Variants in ZMAT4 observed in about 807,000 individuals in gnomAD.
ZMAT4 encodes the protein zinc finger matrin-type protein 4.
ZMAT4 carries 17 observed loss-of-function variants against 28.7 expected under a neutral mutation model. That is an observed-to-expected ratio of 0.59 (90% confidence interval 0.41 to 0.89). The LOEUF (loss-of-function observed/expected upper bound fraction) is 0.89. ZMAT4 is among the 40% of genes least tolerant of loss of function. The pLI is 0.00. For synonymous variants in ZMAT4, 117 were observed against 109.2 expected (o/e 1.07, Z -0.44); for missense variants, 240 against 283.8 (o/e 0.85, Z 1.11).
chr8:40,538,577 A>C (rs1422759892), intron 6 of ZMAT4, among the ~76,000 whole-genome samples: 2 of 152,108 alleles, frequency 1.3e-5, no homozygotes, highest in Non-Finnish European at 2.9e-5. Context: ...TGTCGACGAC[A>C]ACATATTAGC....
At position 40,715,770 on chromosome 8, in the gene ZMAT4, C is replaced by T. The variant is rs577423250; in HGVS notation, c.193-18369G>A. ...GAGATGTCTCTAGTTGGCACTGCCA[C>T]CAGCGTGGCCCACCTCACTAATCTG... On this transcript the variant is annotated intron_variant, in intron 3 of 6. Transcript: ENST00000297737. Among the ~76,000 whole-genome samples the T allele has an allele frequency of 3.9e-5, 6 of 152,340 alleles. No homozygotes were observed. In the South Asian group the frequency reaches 1.2e-3, roughly 32 times the overall value.
At chr8:40,791,552 T>G (rs1024387487) in intron 2 of ZMAT4, among the ~76,000 whole-genome samples, 2 of 152,222 alleles carry the variant, frequency 1.3e-5, no homozygotes, top group Non-Finnish European at 2.9e-5. Context: ...CCCTGGCTCA[T>G]GGCTGAGTTG....
chr8:40,663,502 A>G (rs1440363406), intron 5 of ZMAT4, among the ~76,000 whole-genome samples: 4 of 152,182 alleles, frequency 2.6e-5, no homozygotes, highest in Admixed American at 2.0e-4. Context: ...GTGTGTTTGA[A>G]TAAGTGAATG....
At chr8:40,679,069 A>G (rs1809032441) in intron 4 of ZMAT4, among the ~76,000 whole-genome samples, 1 of 152,176 alleles carries the variant, frequency 6.6e-6, no homozygotes, top group Non-Finnish European at 1.5e-5. Context: ...TATAAAATCA[A>G]TGCAAGCCCT....
At chr8:40,554,965 C>A (rs529423682) in intron 6 of ZMAT4, among the ~76,000 whole-genome samples, 1 of 152,200 alleles carries the variant, frequency 6.6e-6, no homozygotes, top group African/African-American at 2.4e-5. Context: ...ACCTCCTCAC[C>A]TATACCCACA....
chr8:40,836,364 T>C (rs16890016), intron 1 of ZMAT4, among the ~76,000 whole-genome samples: 10,332 of 152,192 alleles, frequency 0.068, 646 homozygotes, highest in East Asian at 0.34. Flanking sequence ...AAGTTAAGCA[T>C]CATCTCATCA....
At chr8:40,844,854 G>C (rs1816826119) in intron 1 of ZMAT4, among the ~76,000 whole-genome samples, 1 of 152,148 alleles carries the variant, frequency 6.6e-6, no homozygotes. Flanking sequence ...GAGGCCTCAA[G>C]AAATTAAGTG....
intron 3 of ZMAT4, among the ~76,000 whole-genome samples, chr8:40,734,540 C>T (rs563661046): frequency 6.6e-6 from 1 of 152,074 alleles, no homozygotes; most frequent in African/African-American, 2.4e-5. Context: ...TACAACCGAG[C>T]GGAGAGAGAG....
At chr8:40,599,238 A>G (rs903407280) in intron 5 of ZMAT4, among the ~76,000 whole-genome samples, 2 of 152,120 alleles carry the variant, frequency 1.3e-5, no homozygotes, top group Non-Finnish European at 2.9e-5. Flanking sequence ...GAAATGTCTG[A>G]TTCATTTATA....
At chr8:40,731,535 G>A (rs1041508071) in intron 3 of ZMAT4, among the ~76,000 whole-genome samples, 12 of 152,036 alleles carry the variant, frequency 7.9e-5, no homozygotes, top group South Asian at 6.3e-4. Flanking sequence ...CAACAAAAAG[G>A]AAAAAAGTCA....
chr8:40,818,815 A>G (rs1272339161), intron 2 of ZMAT4, among the ~76,000 whole-genome samples: 1 of 152,232 alleles, frequency 6.6e-6, no homozygotes, highest in Non-Finnish European at 1.5e-5. Flanking sequence ...GAAGGAAGTC[A>G]TTTAGCCCGC....
chr8:40,782,330 G>C (rs983526318), intron 2 of ZMAT4, among the ~76,000 whole-genome samples: 4 of 152,130 alleles, frequency 2.6e-5, no homozygotes, highest in Non-Finnish European at 4.4e-5. Flanking sequence ...AGGTTGCAGT[G>C]AGCCGAGATC....
intron 1 of ZMAT4, among the ~76,000 whole-genome samples, chr8:40,879,415 C>G (rs1466395394): frequency 6.6e-6 from 1 of 152,094 alleles, no homozygotes; most frequent in African/African-American, 2.4e-5. Flanking sequence ...AAAGTGAGAC[C>G]CTGTCTCTTA....
At chr8:40,847,196 T>A (rs1279097662) in intron 1 of ZMAT4, among the ~76,000 whole-genome samples, 1 of 131,356 alleles carries the variant, frequency 7.6e-6, no homozygotes, top group African/African-American at 2.9e-5. Flanking sequence ...AGAGAAAGAT[T>A]CCATCTAAAA....
intron 5 of ZMAT4, among the ~76,000 whole-genome samples, chr8:40,602,083 T>A (rs2012261): frequency 0.77 from 117,646 of 152,012 alleles, 45,663 homozygotes; most frequent in East Asian, 0.97. Flanking sequence ...CCTCATAGCC[T>A]AGCTCTCACT....
chr8:40,621,118 C>A (rs1327146765), intron 5 of ZMAT4, among the ~76,000 whole-genome samples: 1 of 152,148 alleles, frequency 6.6e-6, no homozygotes, highest in Non-Finnish European at 1.5e-5. Flanking sequence ...AACATGGGCT[C>A]AGTGGAGGCA....
At chr8:40,632,937 A>T (rs2599645) in intron 5 of ZMAT4, among the ~76,000 whole-genome samples, 85,586 of 151,964 alleles carry the variant, frequency 0.56, 25,288 homozygotes, top group East Asian at 0.69. Flanking sequence ...AAAGGAGAGG[A>T]AGATTACTAC....
intron 3 of ZMAT4, among the ~76,000 whole-genome samples, chr8:40,723,431 T>C (rs989454663): frequency 6.7e-6 from 1 of 149,260 alleles, no homozygotes; most frequent in Non-Finnish European, 1.5e-5. Flanking sequence ...TAATCCCAGC[T>C]GCTGGGGAAG....
intron 5 of ZMAT4, among the ~76,000 whole-genome samples, chr8:40,645,532 A>G (rs1474244297): frequency 6.6e-6 from 1 of 152,206 alleles, no homozygotes; most frequent in Non-Finnish European, 1.5e-5. Context: ...TGGAGAAGAA[A>G]ATATCTATAG....
Sources: allele counts gnomAD v4.1 joint callset (sites outside exome capture counted in the v4.1 genomes callset), GRCh38; gene constraint gnomAD v4.1.1; transcripts MANE v1.5; gene names NCBI Gene and HGNC (gene_info 2026-07-23, HGNC 2026-07-21).